The following OSBP2 variants were observed in gnomAD, a reference collection of about 807,000 sequenced individuals.
OSBP2 encodes the protein oxysterol-binding protein 2.
A neutral mutation model predicts 96.0 loss-of-function variants in OSBP2; 66 were observed. That is an observed-to-expected ratio of 0.69 (90% CI 0.56 to 0.84). The LOEUF (loss-of-function observed/expected upper bound fraction) is 0.84, where lower values mean the gene tolerates loss of function less well. OSBP2 is among the 40% of genes least tolerant of loss of function. OSBP2 has a pLI of 0.00. For synonymous variants in OSBP2, 525 were observed against 520.9 expected, an observed-to-expected ratio of 1.01 and a Z score of -0.11; for missense variants, 1,038 against 1,222.7, an observed-to-expected ratio of 0.85 and a Z score of 2.25.
intron 2 of OSBP2, among the ~76,000 whole-genome samples, chr22:30,859,843 G>A (rs1020734897): frequency 6.6e-6 from 1 of 152,228 alleles, no homozygotes; most frequent in Admixed American, 6.5e-5. Flanking sequence ...CAGGACCCTG[G>A]GAGAGCTTTT....
At position 30,870,544 on chromosome 22, in the gene OSBP2, C is replaced by T. The variant is rs921048759; in HGVS notation, c.969C>T (p.Ile323=). 1.9e-6 allele frequency: 3 copies of T among 1,613,974 alleles called. No individual in the cohort carries two copies. The highest frequency in any genetic ancestry group is 1.7e-5 in the Admixed American group (1 of 60,010). ...ACCTCAGCACGTGCAATGACCTCATCGCCAAGCACGGCGCTGCACTCCAGC... is the reference window on the plus strand; with the variant it reads ...ACCTCAGCACGTGCAATGACCTCATTGCCAAGCACGGCGCTGCACTCCAGC... ...LDDLSTCNDL[I]AKHGAALQRS... Residue 323 remains isoleucine (I), a synonymous_variant, in exon 3 of 14, where the codon ATC becomes ATT. Transcript: ENST00000332585. The surrounding 1 kb of genome is among the most constrained non-coding windows in gnomAD (Gnocchi z 4.1).
chr22:30,822,540 G>A, intron 2 of OSBP2: 2 of 1,248,732 alleles, frequency 1.6e-6, no homozygotes, highest in Non-Finnish European at 2.1e-6. Flanking sequence ...TCCGCCGGGC[G>A]GCCCACCGAG....
At chr22:30,765,074 T>A (rs1381397266) in intron 2 of OSBP2, among the ~76,000 whole-genome samples, 1 of 152,248 alleles carries the variant, frequency 6.6e-6, no homozygotes, top group South Asian at 2.1e-4. Context: ...AAATTTTTTT[T>A]ATAGAGACAG....
At chr22:30,789,371 C>A (rs2090641402) in intron 2 of OSBP2, among the ~76,000 whole-genome samples, 1 of 152,156 alleles carries the variant, frequency 6.6e-6, no homozygotes, top group South Asian at 2.1e-4. Context: ...ATTCTCTGGG[C>A]ATTCAGAAGC....
At chr22:30,875,599 C>T (rs550884451) in intron 3 of OSBP2, among the ~76,000 whole-genome samples, 5 of 152,264 alleles carry the variant, frequency 3.3e-5, no homozygotes, top group African/African-American at 1.2e-4. Flanking sequence ...CTCGAACTCC[C>T]GACTGCAGGT....
intron 3 of OSBP2, among the ~76,000 whole-genome samples, chr22:30,883,075 G>A (rs1249341218): frequency 6.6e-6 from 1 of 152,246 alleles, no homozygotes; most frequent in Non-Finnish European, 1.5e-5. Context: ...TGGATGGAGA[G>A]GATGATTCTG....
chr22:30,711,209 A>AAT (rs136391), intron 1 of OSBP2, among the ~76,000 whole-genome samples: 16 of 150,768 alleles, frequency 1.1e-4, no homozygotes, highest in Non-Finnish European at 1.6e-4. Flanking sequence ...AGAGCTAGGA[A>AAT]ATATATATAT....
intron 2 of OSBP2, among the ~76,000 whole-genome samples, chr22:30,818,531 C>T (rs1375036369): frequency 6.6e-6 from 1 of 152,166 alleles, no homozygotes; most frequent in African/African-American, 2.4e-5. Context: ...ACCATGTTGT[C>T]CCCAAGGCCT....
At chr22:30,749,179 A>G (rs2090043249) in intron 2 of OSBP2, among the ~76,000 whole-genome samples, 8 of 152,178 alleles carry the variant, frequency 5.3e-5, no homozygotes. Context: ...AACTAGTGGC[A>G]GGCTATTAGT....
intron 2 of OSBP2, among the ~76,000 whole-genome samples, chr22:30,810,968 A>C (rs1339003652): frequency 6.6e-6 from 1 of 152,180 alleles, no homozygotes; most frequent in Admixed American, 6.5e-5. Flanking sequence ...TAATTTGTTG[A>C]GACATTAATT....
intron 2 of OSBP2, among the ~76,000 whole-genome samples, chr22:30,801,622 T>C (rs1398624637): frequency 6.6e-6 from 1 of 152,188 alleles, no homozygotes; most frequent in Non-Finnish European, 1.5e-5. Context: ...ATGGTAAAAA[T>C]CAAGGTGTCT....
At chr22:30,788,312 A>G (rs556449910) in intron 2 of OSBP2, among the ~76,000 whole-genome samples, 1 of 152,254 alleles carries the variant, frequency 6.6e-6, no homozygotes, top group South Asian at 2.1e-4. Flanking sequence ...CATGTTAATC[A>G]TTCTGCAGTT....
rs1371744574 is a variant in OSBP2 at position 30,881,165 on chromosome 22, C to T, written c.1108-6261C>T. 6.6e-6 allele frequency among the ~76,000 whole-genome samples: 1 copy of T among 152,184 alleles called. No individual in the cohort carries two copies. The highest frequency in any genetic ancestry group is 1.5e-5 in the Non-Finnish European group (1 of 68,032). ...CCGGCCCCTCTGCATCTCAGAGCAC[C>T]CATACCCCCAACACCCCTTTCACCA... On this transcript the variant is annotated intron_variant, in intron 3 of 13. Coordinates refer to ENST00000332585, the MANE Select transcript of OSBP2 (RefSeq NM_030758.4). The surrounding 1 kb of genome is among the most constrained non-coding windows in gnomAD (Gnocchi z 4.5).
intron 1 of OSBP2, among the ~76,000 whole-genome samples, chr22:30,730,453 AG>A (rs1160867950): frequency 6.6e-6 from 1 of 151,988 alleles, no homozygotes; most frequent in Non-Finnish European, 1.5e-5. Flanking sequence ...GTCCTTCCCA[AG>A]CTAGACCATT....
chr22:30,719,743 G>C (rs1326171863), intron 1 of OSBP2, among the ~76,000 whole-genome samples: 2 of 144,560 alleles, frequency 1.4e-5, no homozygotes, highest in African/African-American at 5.2e-5. Context: ...AACAAAGTGA[G>C]ACTCTGTCTC....
intron 2 of OSBP2, among the ~76,000 whole-genome samples, chr22:30,811,087 T>A (rs1362490131): frequency 6.6e-6 from 1 of 152,028 alleles, no homozygotes; most frequent in Non-Finnish European, 1.5e-5. Flanking sequence ...TCCCTAGAGA[T>A]ATACTCACCA....
intron 2 of OSBP2, among the ~76,000 whole-genome samples, chr22:30,767,941 GAGA>G (rs1158967463): frequency 6.6e-6 from 1 of 152,186 alleles, no homozygotes; most frequent in Admixed American, 6.5e-5. Flanking sequence ...TCCACATTAG[GAGA>G]AGAAGGAGCC....
rs1030896123 is a variant in OSBP2 at position 30,822,384 on chromosome 22, C to T, written c.854-48045C>T. 53 of 639,188 alleles carry T rather than the reference C, an allele frequency of 8.3e-5. 1 individual carries two copies. In the African/African-American group the frequency reaches 9.5e-4, roughly 11 times the overall value. The allele number at this position is 639,188 out of a possible 1,614,324, so 39.6% of individuals were successfully genotyped here. On this transcript the variant is annotated intron_variant, in intron 2 of 13. Coordinates refer to ENST00000332585, the MANE Select transcript of OSBP2 (RefSeq NM_030758.4). The stretch of plus-strand genomic sequence containing the variant: ...GCGGGACGAGGCCGCGCTCCTGGGG[C>T]GGGAGGAAGTGGTAGGCAGCACCGC...
chr22:30,808,379 C>A (rs923240295), intron 2 of OSBP2, among the ~76,000 whole-genome samples: 1 of 152,078 alleles, frequency 6.6e-6, no homozygotes, highest in Non-Finnish European at 1.5e-5. Context: ...TAGTGGGGTG[C>A]CCCTGTAGTC....
Sources: allele counts gnomAD v4.1 joint callset (sites outside exome capture counted in the v4.1 genomes callset), GRCh38; gene constraint gnomAD v4.1.1; non-coding constraint Gnocchi (gnomAD v3.1); transcripts MANE v1.5; gene names NCBI Gene and HGNC (gene_info 2026-07-23, HGNC 2026-07-21).